GRK4: variants seen among roughly 807,000 people sequenced by gnomAD.
GRK4 encodes the protein G protein-coupled receptor kinase 4, also known as G protein-coupled receptor kinase 2-like.
In GRK4, 73 loss-of-function variants were observed where a neutral mutation model predicts 77.9. The ratio of observed to expected loss-of-function variants is 0.94; its 90% confidence interval spans 0.78 to 1.14. The LOEUF (loss-of-function observed/expected upper bound fraction) is 1.14, where lower values mean the gene tolerates loss of function less well. Among genes scored for constraint, GRK4 ranks in the 50% most tolerant of loss-of-function variants. The pLI is 0.00. For missense variants in GRK4, 729 were observed against 700.2 expected, an observed-to-expected ratio of 1.04 and a Z score of -0.46; for synonymous variants, 257 against 254.4, an observed-to-expected ratio of 1.01 and a Z score of -0.10.
intron 1 of GRK4, among the ~76,000 whole-genome samples, chr4:2,969,656 C>T (rs1259688188): frequency 6.7e-6 from 1 of 149,822 alleles, no homozygotes; most frequent in African/African-American, 2.5e-5. Context: ...GATTTACAGG[C>T]GTGAGCCATG....
rs151115193 is a variant in GRK4 at position 3,026,876 on chromosome 4, C to G, written c.971-1036C>G. ...TCGCATATTTTTAGTTTTTAGCAAA[C>G]ATTTATTGGTTATTCATTCATTTCA... On this transcript the variant is annotated intron_variant, in intron 10 of 15. Transcript: ENST00000398052. Among the ~76,000 whole-genome samples, 9 of 152,340 alleles carry G rather than the reference C, an allele frequency of 5.9e-5. 2 individuals carry two copies. In the East Asian group the frequency reaches 1.7e-3, roughly 29 times the overall value.
chr4:2,977,467 A>T (rs1041965587), intron 1 of GRK4, among the ~76,000 whole-genome samples: 1 of 152,238 alleles, frequency 6.6e-6, no homozygotes, highest in Admixed American at 6.5e-5. Context: ...CCCTCTAGAT[A>T]CTGACATCTG....
intron 1 of GRK4, chr4:2,966,239 C>T (rs1717627836): frequency 6.6e-6 from 1 of 152,098 alleles, no homozygotes; most frequent in South Asian, 2.1e-4. Context: ...TGGTGAAACC[C>T]CGTCTCTACT....
At chr4:2,983,586 G>A (rs911616364) in intron 1 of GRK4, among the ~76,000 whole-genome samples, 1 of 152,168 alleles carries the variant, frequency 6.6e-6, no homozygotes, top group Admixed American at 6.5e-5. Context: ...GACCCCTGTA[G>A]GGAGGTCTTC....
intron 11 of GRK4, 67 bp from the exon 12 acceptor site, chr4:3,029,134 T>C (rs1469074202): frequency 1.6e-6 from 2 of 1,248,978 alleles, no homozygotes; most frequent in Non-Finnish European, 2.3e-6. Flanking sequence ...ACTGTGTTAC[T>C]GGGAATTATA....
rs944367366 is a variant in GRK4 at position 2,964,251 on chromosome 4, C to G, written c.52+129C>G. 9.0e-5 allele frequency: 75 copies of G among 830,350 alleles called. No homozygotes were observed. The East Asian group carries it at 2.0e-3, about 22-fold the overall frequency. The allele number at this position is 830,350 out of a possible 1,614,324, so 51.4% of individuals were successfully genotyped here. ...TTCCCTGGAGAGCCCCGACACCTCCCACTGGGGGAACCCAGATCTGCACGG... is the reference window on the plus strand; with the variant it reads ...TTCCCTGGAGAGCCCCGACACCTCCGACTGGGGGAACCCAGATCTGCACGG... On this transcript the variant is annotated intron_variant, in intron 1 of 15. Coordinates refer to ENST00000398052, the MANE Select transcript of GRK4 (RefSeq NM_182982.3).
chr4:3,020,770 A>G (rs564074047), intron 9 of GRK4, among the ~76,000 whole-genome samples: 3 of 152,172 alleles, frequency 2.0e-5, no homozygotes, highest in African/African-American at 7.2e-5. Flanking sequence ...AAATATTCAG[A>G]AAATCCTGCT....
At chr4:2,973,181 C>T (rs1049891447) in intron 1 of GRK4, among the ~76,000 whole-genome samples, 9 of 152,242 alleles carry the variant, frequency 5.9e-5, no homozygotes, top group Admixed American at 3.3e-4. Context: ...GCTGCACTGA[C>T]GTGGCACGTC....
Position 2,970,709 on chromosome 4 carries a change from G to T in GRK4, c.52+6587G>T, listed in dbSNP as rs926586104. 5.3e-5 allele frequency among the ~76,000 whole-genome samples: 8 copies of T among 150,368 alleles called. No individual in the cohort carries two copies. The East Asian group carries it at 7.9e-4, about 15-fold the overall frequency. ...TTGGGGGGGTCAGTCTCGCTCTGTC[G>T]CCCAGGCTGGAGTGCAGTGGCGTGA... On this transcript the variant is annotated intron_variant, in intron 1 of 15. Coordinates refer to ENST00000398052, the MANE Select transcript of GRK4 (RefSeq NM_182982.3).
At chr4:3,028,344 C>T (rs1056423137) in intron 11 of GRK4, among the ~76,000 whole-genome samples, 1 of 152,234 alleles carries the variant, frequency 6.6e-6, no homozygotes, top group Admixed American at 6.5e-5. Flanking sequence ...GGAAATCACC[C>T]CACTCTGGTT....
intron 9 of GRK4, among the ~76,000 whole-genome samples, chr4:3,022,054 A>G (rs1362499995): frequency 6.6e-6 from 1 of 152,192 alleles, no homozygotes. Flanking sequence ...AGGCATTCTA[A>G]TATGGGGAAT....
At chr4:2,996,788 C>T (rs1009121487) in intron 4 of GRK4, among the ~76,000 whole-genome samples, 1 of 151,824 alleles carries the variant, frequency 6.6e-6, no homozygotes, top group African/African-American at 2.4e-5. Flanking sequence ...CACCTGATGG[C>T]CCTGCTCTTG....
Position 2,964,140 on chromosome 4 carries a change from GCCCCCGAC to G in GRK4, c.52+24_52+31del. On this transcript the variant is annotated intron_variant, in intron 1 of 15. Coordinates refer to ENST00000398052, the MANE Select transcript of GRK4 (RefSeq NM_182982.3). ...GCGTCAAGGTGGGTGCGCGGCAGGC[GCCCCCGAC>G]CCCCCCCCCAGAGAACCCCGAATCC... 1 of 1,563,174 alleles carries G rather than the reference GCCCCCGAC, an allele frequency of 6.4e-7. No individual in the cohort carries two copies. The highest frequency in any genetic ancestry group is 2.3e-5 in the East Asian group (1 of 43,564).
chr4:3,039,520 A>T (rs1741802451), intron 15 of GRK4, among the ~76,000 whole-genome samples: 1 of 151,960 alleles, frequency 6.6e-6, no homozygotes, highest in Admixed American at 6.6e-5. Flanking sequence ...CAACATGGTG[A>T]AACCCCATCT....
At chr4:2,992,917 A>G (rs1302235753) in intron 4 of GRK4, among the ~76,000 whole-genome samples, 2 of 152,122 alleles carry the variant, frequency 1.3e-5, no homozygotes, top group African/African-American at 4.8e-5. Context: ...CCAGGAGGTC[A>G]AGGCTGCAGT....
Position 3,019,691 on chromosome 4 carries a change from C to A in GRK4, c.792C>A (p.Leu264=). Reference sequence around the variant, plus strand: ...CCAAAGATGCCTTGTGCTTGGTGCTCACCATTATGAATGGAGGGGATTTGA... The same window carrying A: ...CCAAAGATGCCTTGTGCTTGGTGCTAACCATTATGAATGGAGGGGATTTGA... The part of the protein sequence containing the change: ...YETKDALCLV[L]TIMNGGDLKF... Residue 264 remains leucine (L), a synonymous_variant, in exon 9 of 16, where the codon CTC becomes CTA. Transcript: ENST00000398052. 3 of 1,614,200 alleles carry A rather than the reference C, an allele frequency of 1.9e-6. No individual in the cohort carries two copies. The highest frequency in any genetic ancestry group is 2.7e-5 in the African/African-American group (2 of 75,046).
intron 14 of GRK4, among the ~76,000 whole-genome samples, chr4:3,038,128 A>G (rs1044489758): frequency 6.6e-6 from 1 of 152,192 alleles, no homozygotes; most frequent in African/African-American, 2.4e-5. Context: ...GCTGGCAGCC[A>G]GGGTTCCCAT....
At chr4:3,029,431 C>G (rs775131679) in intron 12 of GRK4, 22 bp downstream of exon 12, 16 of 1,589,414 alleles carry the variant, frequency 1.0e-5, no homozygotes, top group African/African-American at 1.3e-5. Flanking sequence ...TCTGTAGAGG[C>G]TGGGAAATGG....
intron 15 of GRK4, chr4:3,038,994 T>A (rs1741641605): frequency 6.5e-6 from 1 of 153,652 alleles, no homozygotes; most frequent in Admixed American, 6.4e-5. Context: ...GGCAGGTGGA[T>A]CACCTGAGGT....
Sources: gnomAD v4.1 joint callset for allele counts (sites outside exome capture counted in the v4.1 genomes callset) on GRCh38, gnomAD v4.1.1 for gene constraint, MANE v1.5 for transcripts, NCBI Gene and HGNC (gene_info 2026-07-23, HGNC 2026-07-21) for gene names.